PTPRN2: variants seen among roughly 807,000 people sequenced by gnomAD.
PTPRN2 encodes the protein protein tyrosine phosphatase receptor type N2, also known as receptor-type tyrosine-protein phosphatase N2.
Under a neutral mutation model 118.8 loss-of-function variants are expected in PTPRN2, and 74 were observed. The observed-to-expected ratio is 0.62, with a 90% CI of 0.52 to 0.76. The LOEUF is 0.76. Ranked by LOEUF, PTPRN2 falls within the 30% of genes least tolerant of loss-of-function variation. The pLI is 0.00. For synonymous variants in PTPRN2, 641 were observed against 608.0 expected (o/e 1.05, Z -0.80); for missense variants, 1,481 against 1,394.4 (o/e 1.06, Z -0.99).
rs534881336 is a variant in PTPRN2, at chr7:158,010,357, T to A, written c.1723+70941A>T. On this transcript the variant is annotated intron_variant, in intron 11 of 22. Coordinates refer to ENST00000389418, the MANE Select transcript of PTPRN2 (RefSeq NM_002847.5). Reference sequence around the variant, plus strand: ...GAGAGTGAACCCACAGACACACAAATAACCTGTGTTTAAAAGTGTGTTAAC... The same window carrying A: ...GAGAGTGAACCCACAGACACACAAAAAACCTGTGTTTAAAAGTGTGTTAAC... Among the ~76,000 whole-genome samples the A allele has an allele frequency of 1.2e-4, 18 of 152,238 alleles. No individual in the cohort carries two copies. In the South Asian group the frequency reaches 3.7e-3, roughly 32 times the overall value.
intron 6 of PTPRN2, among the ~76,000 whole-genome samples, chr7:158,145,536 G>A (rs993128173): frequency 1.3e-5 from 2 of 152,234 alleles, no homozygotes; most frequent in African/African-American, 4.8e-5. Context: ...TGGTGGACCA[G>A]GAAGGGAGGA....
intron 19 of PTPRN2, 44 bp downstream of exon 19, chr7:157,576,569 C>T (rs1440800339): frequency 1.3e-6 from 2 of 1,548,330 alleles, no homozygotes; most frequent in South Asian, 1.2e-5. Context: ...CCCTGTGCCG[C>T]GCGCTCAGCG....
At chr7:157,682,102 A>T (rs79448455) in intron 13 of PTPRN2, among the ~76,000 whole-genome samples, 2,066 of 152,324 alleles carry the variant, frequency 0.014, 32 homozygotes, top group Middle Eastern at 0.13. Context: ...GAACTTCCAG[A>T]AACTCTGTGG....
intron 2 of PTPRN2, among the ~76,000 whole-genome samples, chr7:158,471,459 GC>G (rs1341875585): frequency 3.3e-5 from 5 of 152,178 alleles, no homozygotes; most frequent in African/African-American, 1.2e-4. Flanking sequence ...GGAGGCCGAC[GC>G]GGGTGGATCA....
Position 158,316,948 on chromosome 7 carries a change from G to A in PTPRN2, c.164-16C>T. 4.4e-6 allele frequency: 7 copies of A among 1,576,334 alleles called. No homozygotes were observed. The highest frequency in any genetic ancestry group is 6.1e-6 in the Non-Finnish European group (7 of 1,153,700). ...AACACTCCATCTGTGAGAAGGGAAGGAGATAAGACAGAACGAGACGTTTCA... is the reference window on the plus strand; with the variant it reads ...AACACTCCATCTGTGAGAAGGGAAGAAGATAAGACAGAACGAGACGTTTCA... On this transcript the variant is annotated splice_polypyrimidine_tract_variant and intron_variant, in intron 2 of 22. Coordinates refer to ENST00000389418, the MANE Select transcript of PTPRN2 (RefSeq NM_002847.5).
chr7:158,539,922 G>T (rs1402909935), intron 1 of PTPRN2: 1 of 225,576 alleles, frequency 4.4e-6, no homozygotes, highest in Non-Finnish European at 8.9e-6. Flanking sequence ...GACATACTGT[G>T]AGCCTGGACC....
intron 11 of PTPRN2, among the ~76,000 whole-genome samples, chr7:157,937,276 T>G (rs1799769629): frequency 6.6e-6 from 1 of 152,142 alleles, no homozygotes; most frequent in Non-Finnish European, 1.5e-5. Context: ...CTGGACCACC[T>G]AGAAAAACAG....
chr7:157,621,432 C>T lies in PTPRN2; in HGVS notation c.2274G>A (p.Glu758=), dbSNP rs1412144489. 6.2e-7 allele frequency: 1 copy of T among 1,613,930 alleles called. No individual in the cohort carries two copies. Among genetic ancestry groups the T allele is most frequent in the Non-Finnish European group, 8.5e-7 (1 of 1,180,018 alleles). The part of the protein sequence containing the change: ...EWEALCAYQA[E]PNSSFVAQRE... ...TCTGGGCCACGAACGAGCTGTTGGGCTCCGCCTGGTAGGCGCACAGCGCTT... is the reference window on the plus strand; with the variant it reads ...TCTGGGCCACGAACGAGCTGTTGGGTTCCGCCTGGTAGGCGCACAGCGCTT... The change falls in exon 15 of 23, where the codon GAG becomes GAA. Residue 758 remains glutamate (E), a synonymous_variant. Transcript: ENST00000389418.
At chr7:158,081,948 A>C (rs1443346540) in intron 10 of PTPRN2, among the ~76,000 whole-genome samples, 3 of 152,146 alleles carry the variant, frequency 2.0e-5, no homozygotes, top group Non-Finnish European at 4.4e-5. Context: ...TAAACCATTT[A>C]ATTCATCTGA....
chr7:158,331,900 C>A (rs1256325098), intron 2 of PTPRN2, among the ~76,000 whole-genome samples: 1 of 150,040 alleles, frequency 6.7e-6, no homozygotes, highest in Non-Finnish European at 1.5e-5. Flanking sequence ...CACACCCACA[C>A]TCTCACCATA....
chr7:157,805,693 A>T (rs1805589582), intron 12 of PTPRN2, among the ~76,000 whole-genome samples: 1 of 152,188 alleles, frequency 6.6e-6, no homozygotes, highest in Non-Finnish European at 1.5e-5. Context: ...GTAAAAGAAG[A>T]ATCTTAATAA....
chr7:157,802,144 G>A (rs1324531634), intron 12 of PTPRN2, among the ~76,000 whole-genome samples: 3 of 152,218 alleles, frequency 2.0e-5, no homozygotes, highest in Non-Finnish European at 4.4e-5. Flanking sequence ...AGTGTGCAGC[G>A]TGGTACTGTT....
At chr7:157,912,125 G>A (rs1047222407) in intron 11 of PTPRN2, among the ~76,000 whole-genome samples, 6 of 152,128 alleles carry the variant, frequency 3.9e-5, no homozygotes, top group African/African-American at 1.4e-4. Context: ...ATGTCCCAAA[G>A]GGATTCTATC....
intron 5 of PTPRN2, among the ~76,000 whole-genome samples, chr7:158,190,292 T>C (rs932379512): frequency 2.0e-5 from 3 of 152,160 alleles, no homozygotes; most frequent in Admixed American, 6.5e-5. Flanking sequence ...CAGAGCTGCA[T>C]GAAATCCACC....
At chr7:157,546,145 G>T (rs1029274974) in intron 22 of PTPRN2, among the ~76,000 whole-genome samples, 3 of 152,130 alleles carry the variant, frequency 2.0e-5, no homozygotes, top group African/African-American at 7.2e-5. Flanking sequence ...TCCTCCGGAC[G>T]CCCAGTCCAA....
At chr7:158,394,089 G>A (rs867099548) in intron 2 of PTPRN2, among the ~76,000 whole-genome samples, 1 of 142,842 alleles carries the variant, frequency 7.0e-6, no homozygotes, top group Non-Finnish European at 1.5e-5. Context: ...ACAGATGCCT[G>A]GACCCTTCTC....
chr7:157,670,369 TTGCTC>T (rs66461411), intron 13 of PTPRN2, among the ~76,000 whole-genome samples: 30,586 of 151,978 alleles, frequency 0.2, 3,478 homozygotes, highest in Non-Finnish European at 0.25. Context: ...TTTTCTTCAT[TTGCTC>T]TGCTCCTGAT....
chr7:157,760,801 G>A (rs1227370285), intron 12 of PTPRN2, among the ~76,000 whole-genome samples: 1 of 152,210 alleles, frequency 6.6e-6, no homozygotes, highest in African/African-American at 2.4e-5. Flanking sequence ...AGCTTAAGGA[G>A]ATTTTGGGCT....
intron 1 of PTPRN2, among the ~76,000 whole-genome samples, chr7:158,512,819 A>C (rs1488054532): frequency 1.3e-5 from 2 of 152,348 alleles, no homozygotes; most frequent in East Asian, 3.9e-4. Context: ...ACGTATTCAA[A>C]GGGACAGTTT....
Sources: allele counts gnomAD v4.1 joint callset (sites outside exome capture counted in the v4.1 genomes callset), GRCh38; gene constraint gnomAD v4.1.1; transcripts MANE v1.5; gene names NCBI Gene and HGNC (gene_info 2026-07-23, HGNC 2026-07-21).